The following SCN3B variants were observed in gnomAD, a reference collection of about 807,000 sequenced individuals.
SCN3B encodes sodium voltage-gated channel beta subunit 3, also known as sodium channel regulatory subunit beta-3.
Under a neutral mutation model 25.4 loss-of-function variants are expected in SCN3B, and 11 were observed. That is an observed-to-expected ratio of 0.43 (90% confidence interval 0.27 to 0.72). The LOEUF is 0.72. Ranked by LOEUF, SCN3B falls within the 30% of genes least tolerant of loss-of-function variation. The probability of loss-of-function intolerance (pLI) is 0.18; values close to 1 mark genes in which losing one functional copy is unlikely to be tolerated. For missense variants in SCN3B, 218 were observed against 278.3 expected (o/e 0.78, Z 1.54); for synonymous variants, 109 against 110.7 (o/e 0.99, Z 0.09).
At chr11:123,640,028 C>T (rs546425924) in intron 4 of SCN3B, 1 of 152,290 alleles carries the variant, frequency 6.6e-6, no homozygotes, top group African/African-American at 2.4e-5. Flanking sequence ...TCTAAGTCAT[C>T]CCCAAGTCCT....
At position 123,634,396 on chromosome 11, in the gene SCN3B, A is replaced by T. The variant is rs115365692; in HGVS notation, c.585-190T>A. ...TCATTTCCCCCATATATGTACACGA[A>T]CACCCACCAGGAGTGTATAGCTTCT... On this transcript the variant is annotated intron_variant, in intron 5 of 6. Transcript: ENST00000299333. 9.0e-3 allele frequency among the ~76,000 whole-genome samples: 1,374 copies of T among 152,278 alleles called. 26 individuals carry two copies. The highest frequency in any genetic ancestry group is 0.032 in the African/African-American group (1,321 of 41,558).
chr11:123,652,391 T>G (rs936177394), intron 2 of SCN3B, among the ~76,000 whole-genome samples: 4 of 152,178 alleles, frequency 2.6e-5, no homozygotes, highest in Admixed American at 2.6e-4. Flanking sequence ...ACCTTCCTAG[T>G]CCGTCTCATC....
At chr11:123,643,183 C>T (rs1011115974) in intron 3 of SCN3B, among the ~76,000 whole-genome samples, 8 of 152,218 alleles carry the variant, frequency 5.3e-5, no homozygotes, top group African/African-American at 1.9e-4. Context: ...ACTGGACTCT[C>T]TGTGCTGGTA....
intron 1 of SCN3B, 75 bp from the exon 2 acceptor site, chr11:123,653,901 GC>G: frequency 7.3e-7 from 1 of 1,378,040 alleles, no homozygotes; most frequent in Non-Finnish European, 1.0e-6. Flanking sequence ...GGGACGAACT[GC>G]CCCCAGGGGG....
At chr11:123,646,763 T>C (rs1479093864) in intron 2 of SCN3B, among the ~76,000 whole-genome samples, 1 of 152,136 alleles carries the variant, frequency 6.6e-6, no homozygotes, top group Non-Finnish European at 1.5e-5. Flanking sequence ...CATGCGCAAA[T>C]GTGAGCTGCA....
chr11:123,651,021 G>C (rs1955919002), intron 2 of SCN3B, among the ~76,000 whole-genome samples: 1 of 152,028 alleles, frequency 6.6e-6, no homozygotes, highest in South Asian at 2.1e-4. Flanking sequence ...CCAGGAGTTA[G>C]AGACCAGCCT....
chr11:123,638,012 C>T (rs971065321), intron 5 of SCN3B, among the ~76,000 whole-genome samples, 174 bp downstream of exon 5: 1 of 152,184 alleles, frequency 6.6e-6, no homozygotes, highest in African/African-American at 2.4e-5. Flanking sequence ...TAAGCCAACT[C>T]TCCGAAATTC....
chr11:123,641,799 G>A (rs73031614), intron 4 of SCN3B, among the ~76,000 whole-genome samples: 10,873 of 152,262 alleles, frequency 0.071, 517 homozygotes, highest in Middle Eastern at 0.1. Context: ...AGATGGGGAA[G>A]AGGTTGCACG....
chr11:123,637,513 G>A (rs535744293), intron 5 of SCN3B, among the ~76,000 whole-genome samples: 2 of 151,976 alleles, frequency 1.3e-5, no homozygotes, highest in Non-Finnish European at 2.9e-5. Flanking sequence ...TTACTTTTTT[G>A]TTGTGTTTTT....
intron 2 of SCN3B, among the ~76,000 whole-genome samples, chr11:123,652,394 G>A (rs1053971981): frequency 7.2e-5 from 11 of 152,276 alleles, no homozygotes; most frequent in Admixed American, 3.3e-4. Flanking sequence ...TTCCTAGTCC[G>A]TCTCATCAGG....
At chr11:123,635,069 A>C (rs1328471551) in intron 5 of SCN3B, among the ~76,000 whole-genome samples, 1 of 152,210 alleles carries the variant, frequency 6.6e-6, no homozygotes, top group Admixed American at 6.5e-5. Context: ...TGATAAAGAG[A>C]GTCTCTTATA....
chr11:123,644,766 T>TGAGAGAGAGA (rs371690210), intron 3 of SCN3B, among the ~76,000 whole-genome samples: 17 of 94,694 alleles, frequency 1.8e-4, no homozygotes, highest in African/African-American at 5.6e-4. Context: ...GAGACCCCGT[T>TGAGAGAGAGA]GAGAGAGAGA....
At chr11:123,645,858 G>T in intron 2 of SCN3B, 108 bp from the exon 3 acceptor site, 1 of 1,324,152 alleles carries the variant, frequency 7.6e-7, no homozygotes, top group Non-Finnish European at 1.1e-6. Context: ...AGAGAAGGAA[G>T]AGTCATGAGG....
rs78991193 is a variant in SCN3B at position 123,641,685 on chromosome 11, C to T, written c.445+761G>A. On this transcript the variant is annotated intron_variant, in intron 4 of 6. Coordinates refer to ENST00000299333, the MANE Select transcript of SCN3B (RefSeq NM_001040151.2). ...TGAAAGGCCTTCCCACTCACGAACACGGAACTAGCTGTAGGAGTCCAAAGA... is the reference window on the plus strand; with the variant it reads ...TGAAAGGCCTTCCCACTCACGAACATGGAACTAGCTGTAGGAGTCCAAAGA... Among the ~76,000 whole-genome samples, 1,113 of 152,248 alleles carry T rather than the reference C, an allele frequency of 7.3e-3. 7 individuals carry two copies. The highest frequency in any genetic ancestry group is 0.025 in the African/African-American group (1,032 of 41,538).
At chr11:123,653,937 C>T (rs1221466483) in intron 1 of SCN3B, 111 bp from the exon 2 acceptor site, 2 of 1,027,898 alleles carry the variant, frequency 1.9e-6, no homozygotes, top group African/African-American at 1.6e-5. Flanking sequence ...AAGGAAGGGC[C>T]GAGCACCGGT....
chr11:123,651,106 A>G (rs1955920006), intron 2 of SCN3B, among the ~76,000 whole-genome samples: 1 of 151,256 alleles, frequency 6.6e-6, no homozygotes, highest in Non-Finnish European at 1.5e-5. Context: ...TTAATTATTT[A>G]TTGTATTAAT....
At chr11:123,633,910 G>A (rs901053966) in intron 6 of SCN3B, 134 bp from the exon 7 acceptor site, 5 of 509,286 alleles carry the variant, frequency 9.8e-6, no homozygotes, top group South Asian at 5.9e-5. Context: ...AGATTGCCTC[G>A]ACACTCAGGT....
intron 5 of SCN3B, among the ~76,000 whole-genome samples, chr11:123,634,836 C>T (rs1334578821): frequency 6.6e-6 from 1 of 152,232 alleles, no homozygotes; most frequent in African/African-American, 2.4e-5. Context: ...ATTTGTTCAT[C>T]TGCTTTCCAG....
chr11:123,641,671 C>G (rs1175086922), intron 4 of SCN3B, among the ~76,000 whole-genome samples: 1 of 152,136 alleles, frequency 6.6e-6, no homozygotes, highest in Non-Finnish European at 1.5e-5. Context: ...GAAAGGCCTT[C>G]CCACTCACGA....
Sources: gnomAD v4.1 joint callset for allele counts (sites outside exome capture counted in the v4.1 genomes callset) on GRCh38, gnomAD v4.1.1 for gene constraint, MANE v1.5 for transcripts, NCBI Gene and HGNC (gene_info 2026-07-23, HGNC 2026-07-21) for gene names.